The following SVEP1 variants were observed in gnomAD, a reference collection of about 807,000 sequenced individuals.
The protein encoded by SVEP1 is sushi, von Willebrand factor type A, EGF and pentraxin domain containing 1.
Under a neutral mutation model 367.3 loss-of-function variants are expected in SVEP1, and 164 were observed. The ratio of observed to expected loss-of-function variants is 0.45; its 90% CI spans 0.39 to 0.51. The LOEUF is 0.51. SVEP1 is among the 20% of genes least tolerant of loss of function. SVEP1 has a pLI of 0.00. For missense variants in SVEP1, 4,117 were observed against 4,425.3 expected (o/e 0.93, Z 1.98); for synonymous variants, 1,666 against 1,611.6 (o/e 1.03, Z -0.81).
intron 3 of SVEP1, among the ~76,000 whole-genome samples, chr9:110,524,568 G>A (rs767946400): frequency 1.3e-5 from 2 of 151,888 alleles, no homozygotes; most frequent in Non-Finnish European, 2.9e-5. Context: ...AAATGCACAA[G>A]GTCACGTCAA....
rs1207897675 is a variant in SVEP1 at position 110,469,065 on chromosome 9, T to A, written c.3035A>T (p.His1012Leu). The stretch of plus-strand genomic sequence containing the variant: ...GATCCGGCAGCTTTCACAGGTGAAA[T>A]GTTCCAGATTATAATAGGTTCCCAA... Reference protein sequence around the residue: ...CPLGTYYNLEHFTCESCRIGS... With the variant: ...CPLGTYYNLELFTCESCRIGS... Residue 1012 changes from histidine (H) to leucine (L), a missense_variant, in exon 17 of 48, where the codon CAT (histidine) becomes CTT (leucine). Coordinates refer to ENST00000374469, the MANE Select transcript of SVEP1 (RefSeq NM_153366.4). 6.2e-7 allele frequency: 1 copy of A among 1,613,596 alleles called. No individual in the cohort carries two copies. Among genetic ancestry groups the A allele is most frequent in the East Asian group, 2.2e-5 (1 of 44,892 alleles).
intron 18 of SVEP1, among the ~76,000 whole-genome samples, chr9:110,465,002 A>G (rs1199024914): frequency 2.0e-5 from 3 of 152,096 alleles, no homozygotes; most frequent in African/African-American, 7.2e-5. Flanking sequence ...AACATCCCTC[A>G]GTAGGGATGT....
intron 3 of SVEP1, among the ~76,000 whole-genome samples, chr9:110,543,386 T>C (rs544048438): frequency 2.0e-5 from 3 of 152,352 alleles, no homozygotes; most frequent in Admixed American, 1.3e-4. Context: ...CTAATCCTTA[T>C]GTGCCTGGTG....
At chr9:110,418,798 T>A in intron 36 of SVEP1, among the ~76,000 whole-genome samples, 1 of 102,278 alleles carries the variant, frequency 9.8e-6, no homozygotes, top group Non-Finnish European at 2.2e-5. Flanking sequence ...CAGAAGAGAG[T>A]GGGGGCCAAT....
intron 22 of SVEP1, 57 bp downstream of exon 22, chr9:110,455,533 T>G: frequency 2.3e-5 from 30 of 1,299,770 alleles, no homozygotes; most frequent in Non-Finnish European, 3.0e-5. Context: ...ATCTCAGTGA[T>G]GAAATGTTAA....
chr9:110,375,288 GTC>G lies in SVEP1; in HGVS notation c.10600+78_10600+79del, dbSNP rs776043191. The G allele has an allele frequency of 4.8e-4, 337 of 709,272 alleles. 1 individual carries two copies. The highest frequency in any genetic ancestry group is 7.9e-4 in the South Asian group (31 of 39,312). 43.9% of individuals were successfully genotyped at this position (709,272 alleles called of 1,614,324 possible). A position where few individuals can be genotyped will look rare whatever the true frequency, so the allele number is the denominator to read the frequency against. On this transcript the variant is annotated intron_variant, in intron 46 of 47. Transcript: ENST00000374469. ...TTTTTCATTTTGCCACCACTTCTGA[GTC>G]TAAGTCACACTCTTCAATGTCCTCT...
At chr9:110,436,846 T>C (rs1828437797) in intron 27 of SVEP1, among the ~76,000 whole-genome samples, 1 of 152,240 alleles carries the variant, frequency 6.6e-6, no homozygotes, top group Admixed American at 6.5e-5. Context: ...AAGTGACTGC[T>C]CTTTATCTTT....
chr9:110,369,320 C>T (rs1349986079), intron 47 of SVEP1, among the ~76,000 whole-genome samples: 1 of 151,902 alleles, frequency 6.6e-6, no homozygotes, highest in African/African-American at 2.4e-5. Context: ...AATAAGAAAC[C>T]GATGAAAAAA....
At chr9:110,400,291 C>T (rs1181376390) in intron 40 of SVEP1, among the ~76,000 whole-genome samples, 2 of 152,160 alleles carry the variant, frequency 1.3e-5, no homozygotes, top group South Asian at 2.1e-4. Context: ...GAAGTCACAG[C>T]ATCTGTCTTG....
chr9:110,410,663 C>T (rs1477835926), intron 37 of SVEP1, among the ~76,000 whole-genome samples: 1 of 152,154 alleles, frequency 6.6e-6, no homozygotes, highest in Non-Finnish European at 1.5e-5. Context: ...GATTCATAAT[C>T]ATCTTCATTA....
At chr9:110,400,472 T>A (rs951805593) in intron 40 of SVEP1, among the ~76,000 whole-genome samples, 7 of 152,082 alleles carry the variant, frequency 4.6e-5, no homozygotes, top group African/African-American at 1.7e-4. Context: ...GTTCAAGCGA[T>A]TCTCCTGCCT....
intron 43 of SVEP1, among the ~76,000 whole-genome samples, chr9:110,380,982 T>C (rs1479762386): frequency 6.6e-6 from 1 of 152,248 alleles, no homozygotes; most frequent in Non-Finnish European, 1.5e-5. Context: ...CCATTTCTTC[T>C]AGATTTTCTA....
At chr9:110,381,622 A>G (rs1469365611) in intron 43 of SVEP1, among the ~76,000 whole-genome samples, 1 of 152,148 alleles carries the variant, frequency 6.6e-6, no homozygotes, top group Non-Finnish European at 1.5e-5. Context: ...TATGTGATCA[A>G]TTTTAGAGTA....
At chr9:110,463,044 C>T (rs1384671832) in intron 18 of SVEP1, among the ~76,000 whole-genome samples, 3 of 152,016 alleles carry the variant, frequency 2.0e-5, no homozygotes, top group Non-Finnish European at 2.9e-5. Context: ...TCATTTTGTA[C>T]ACCTTAATTA....
Position 110,450,281 on chromosome 9 carries a change from G to T in SVEP1, c.3902-21C>A, listed in dbSNP as rs749282928. ...CAGGCCTGAGGATGGAGAAGGAAGA[G>T]AAACAGCCCAAATGATTAACTCCCT... On this transcript the variant is annotated intron_variant, in intron 23 of 47. Transcript: ENST00000374469. 5.0e-6 allele frequency: 8 copies of T among 1,612,076 alleles called. No homozygotes were observed. The South Asian group carries it at 8.8e-5, about 18-fold the overall frequency.
intron 21 of SVEP1, among the ~76,000 whole-genome samples, chr9:110,456,523 A>C (rs567024190): frequency 6.6e-6 from 1 of 152,112 alleles, no homozygotes; most frequent in Admixed American, 6.6e-5. Context: ...TTCTAGATAG[A>C]TCTTGGCTAT....
At chr9:110,570,304 A>G (rs919400073) in intron 1 of SVEP1, among the ~76,000 whole-genome samples, 3 of 152,204 alleles carry the variant, frequency 2.0e-5, no homozygotes, top group Non-Finnish European at 1.5e-5. Context: ...TTTTCCTGAG[A>G]AATGTTCACT....
chr9:110,524,716 A>ATTAT (rs1829920099), intron 3 of SVEP1, among the ~76,000 whole-genome samples: 1 of 146,224 alleles, frequency 6.8e-6, no homozygotes, highest in South Asian at 2.3e-4. Flanking sequence ...TATTATTATT[A>ATTAT]CTTTTTTTTT....
chr9:110,411,148 G>C lies in SVEP1; in HGVS notation c.6563C>G (p.Ala2188Gly), dbSNP rs2118504296. ...TATAGGACTACTCCACTGCCCTGTG[G>C]CTTCGCAGGTGCTCTTCTTTTCCCC... is the stretch of plus-strand genomic sequence containing the variant. ...IKGEKKSTCE[A>G]TGQWSSPIPT... The change falls in exon 37 of 48, where the codon GCC (alanine) becomes GGC (glycine). Residue 2188 changes from alanine to glycine, a missense_variant. By Grantham distance (60) the Ala-to-Gly change is moderately conservative. Around this residue, in one of 4 missense-constraint regions of SVEP1, gnomAD observed 1,765 missense variants for 1,781.1 expected, o/e 0.99. Transcript: ENST00000374469. The C allele has an allele frequency of 1.2e-6, 2 of 1,613,926 alleles. No homozygotes were observed. The highest frequency in any genetic ancestry group is 1.3e-5 in the African/African-American group (1 of 75,054).
Sources: allele counts gnomAD v4.1 joint callset (sites outside exome capture counted in the v4.1 genomes callset), GRCh38; gene constraint gnomAD v4.1.1; regional missense constraint gnomAD v4.1.1; transcripts MANE v1.5; gene names NCBI Gene and HGNC (gene_info 2026-07-23, HGNC 2026-07-21).